DPH7: variants seen among roughly 807,000 people sequenced by gnomAD.
DPH7 encodes the protein diphthamide biosynthesis 7.
In DPH7, 44 loss-of-function variants were observed where a neutral mutation model predicts 41.7. That is an observed-to-expected ratio of 1.05 (90% confidence interval 0.83 to 1.36). The LOEUF (loss-of-function observed/expected upper bound fraction) is 1.36, where lower values mean the gene tolerates loss of function less well. DPH7 is among the 40% of genes most tolerant of loss of function. The pLI is 0.00. For missense variants in DPH7, 629 were observed against 577.5 expected (o/e 1.09, Z -0.91); for synonymous variants, 275 against 238.0 (o/e 1.16, Z -1.43).
chr9:137,561,310 G>A (rs1161882420), intron 8 of DPH7, among the ~76,000 whole-genome samples: 2 of 152,094 alleles, frequency 1.3e-5, no homozygotes, highest in African/African-American at 2.4e-5. Context: ...AGGGCACAGC[G>A]CCACTTTCAC....
intron 8 of DPH7, among the ~76,000 whole-genome samples, chr9:137,558,373 G>A (rs1294286287): frequency 1.3e-5 from 2 of 152,080 alleles, no homozygotes; most frequent in African/African-American, 4.8e-5. Context: ...CTCCCACCTG[G>A]GTGACAGGAC....
chr9:137,564,345 C>A (rs1839162528), intron 8 of DPH7, 89 bp downstream of exon 8: 2 of 1,474,158 alleles, frequency 1.4e-6, no homozygotes, highest in Non-Finnish European at 1.8e-6. Flanking sequence ...AGCAAGGGAG[C>A]AGGGAGCTGA....
Position 137,564,493 on chromosome 9 carries a change from A to T in DPH7, c.890T>A (p.Leu297Gln), listed in dbSNP as rs377177511. Reference protein sequence around the residue: ...RIKWHPFHHHLLLAACMHSGF... With the variant: ...RIKWHPFHHHQLLAACMHSGF... ...ACTGTGCATGCAGGCGGCCAGGAGC[A>T]GGTGGTGGTGGAAAGGGTGCCACTT... Residue 297 changes from leucine to glutamine, a missense_variant, in exon 8 of 9, where the codon CTG (leucine) becomes CAG (glutamine). Leu to Gln is a moderately radical substitution (Grantham distance 113). Transcript: ENST00000277540. The T allele has an allele frequency of 6.2e-7, 1 of 1,614,022 alleles. No homozygotes were observed. Among genetic ancestry groups the T allele is most frequent in the Non-Finnish European group, 8.5e-7 (1 of 1,180,026 alleles).
intron 5 of DPH7, among the ~76,000 whole-genome samples, chr9:137,570,672 C>T (rs2133104170): frequency 6.6e-6 from 1 of 152,342 alleles, no homozygotes; most frequent in East Asian, 1.9e-4. Context: ...CGGCCCTGTG[C>T]CCTGGCCCAT....
At chr9:137,557,938 C>G (rs1212938528) in intron 8 of DPH7, among the ~76,000 whole-genome samples, 1 of 152,140 alleles carries the variant, frequency 6.6e-6, no homozygotes, top group Non-Finnish European at 1.5e-5. Flanking sequence ...AGTTCAAGAC[C>G]AGCCTGACCA....
At position 137,565,152 on chromosome 9, in the gene DPH7, C is replaced by A. The variant is rs181644541; in HGVS notation, c.643G>T (p.Gly215Cys). 5 of 1,614,014 alleles carry A rather than the reference C, an allele frequency of 3.1e-6. No individual in the cohort carries two copies. The East Asian group carries it at 8.9e-5, about 29-fold the overall frequency. ...CAGCCCCTCAGAAGGCCATCGTCGC[C>A]CCCTGTGTGGAGAAAGAGAAGCATC... Reference protein sequence around the residue: ...YWHPEIVYSGGDDGLLRGWDT... With the variant: ...YWHPEIVYSGCDDGLLRGWDT... The change falls in exon 6 of 9, where the codon GGC (glycine) becomes TGC (cysteine). Residue 215 changes from glycine to cysteine, a missense_variant and splice_region_variant. Coordinates refer to ENST00000277540, the MANE Select transcript of DPH7 (RefSeq NM_138778.5).
At chr9:137,563,446 C>A (rs896055609) in intron 8 of DPH7, among the ~76,000 whole-genome samples, 1 of 145,380 alleles carries the variant, frequency 6.9e-6, no homozygotes, top group South Asian at 2.2e-4. Flanking sequence ...GCAGGAGAAT[C>A]GCTAGAACCC....
intron 3 of DPH7, 38 bp downstream of exon 3, chr9:137,576,042 G>T: frequency 6.2e-7 from 1 of 1,613,354 alleles, no homozygotes; most frequent in Non-Finnish European, 8.5e-7. Context: ...CTCTATTCAG[G>T]TCCCTTCTGC....
intron 8 of DPH7, among the ~76,000 whole-genome samples, chr9:137,557,897 G>A (rs2132810143): frequency 6.6e-6 from 1 of 152,278 alleles, no homozygotes; most frequent in South Asian, 2.1e-4. Flanking sequence ...CACTTTGGGA[G>A]GCCGAGGCGG....
At chr9:137,578,480 T>C in intron 1 of DPH7, 145 bp downstream of exon 1, 5 of 1,053,640 alleles carry the variant, frequency 4.7e-6, no homozygotes, top group Non-Finnish European at 6.4e-6. Context: ...ACAATTTTTT[T>C]AAAAAGATTC....
chr9:137,575,132 C>A (rs957190945), intron 3 of DPH7: 7 of 1,155,970 alleles, frequency 6.1e-6, no homozygotes, highest in African/African-American at 3.2e-5. Context: ...GCCATCCTTG[C>A]GCTCCTAGAT....
At chr9:137,576,444 TA>T in intron 2 of DPH7, 1 of 386,956 alleles carries the variant, frequency 2.6e-6, no homozygotes, top group Admixed American at 3.8e-5. Context: ...ATATAAAGGA[TA>T]AAAAACAGGT....
chr9:137,573,222 G>A (rs1009856363), intron 5 of DPH7, among the ~76,000 whole-genome samples: 2 of 150,834 alleles, frequency 1.3e-5, no homozygotes, highest in Admixed American at 6.6e-5. Context: ...TTAGCCGGGC[G>A]TGGTGGCGGG....
chr9:137,558,804 G>A (rs980618813), intron 8 of DPH7, among the ~76,000 whole-genome samples: 7 of 152,042 alleles, frequency 4.6e-5, no homozygotes, highest in African/African-American at 9.7e-5. Context: ...GCGTGATCTC[G>A]GCTCACTGCA....
Position 137,554,965 on chromosome 9 carries a change from C to A in DPH7, c.*274G>T. On this transcript the variant is annotated 3_prime_UTR_variant, in exon 9 of 9. Transcript: ENST00000277540. ...TAAACAAGTATGAAAGGCTGAAAGT[C>A]AAAATCTGCCTGAGAAACTTAACAA... 1 of 386,722 alleles carries A rather than the reference C, an allele frequency of 2.6e-6. No individual in the cohort carries two copies. Among genetic ancestry groups the A allele is most frequent in the Non-Finnish European group, 4.6e-6 (1 of 219,286 alleles). 24.0% of individuals were successfully genotyped at this position (386,722 alleles called of 1,614,324 possible).
At chr9:137,574,128 G>C (rs992000159) in intron 5 of DPH7, 80 bp downstream of exon 5, 30 of 1,432,156 alleles carry the variant, frequency 2.1e-5, no homozygotes, top group African/African-American at 8.5e-5. Flanking sequence ...AATCACAGCT[G>C]TGGCACAGGC....
intron 5 of DPH7, among the ~76,000 whole-genome samples, chr9:137,569,989 C>T (rs1439168284): frequency 2.0e-5 from 3 of 149,498 alleles, no homozygotes; most frequent in African/African-American, 7.4e-5. Context: ...ACCATCCATC[C>T]ATCCAGTCAC....
intron 8 of DPH7, among the ~76,000 whole-genome samples, chr9:137,562,087 A>C (rs1269579506): frequency 6.6e-6 from 1 of 152,116 alleles, no homozygotes; most frequent in East Asian, 1.9e-4. Flanking sequence ...GATGGTCTCG[A>C]TCTCCTGACC....
chr9:137,577,443 C>T (rs751159273), intron 2 of DPH7, 27 bp downstream of exon 2: 2 of 1,608,188 alleles, frequency 1.2e-6, no homozygotes, highest in Non-Finnish European at 1.7e-6. Context: ...ACAAATTCTA[C>T]ACCCAGTGGG....
Sources: gnomAD v4.1 joint callset for allele counts (sites outside exome capture counted in the v4.1 genomes callset) on GRCh38, gnomAD v4.1.1 for gene constraint, MANE v1.5 for transcripts, NCBI Gene and HGNC (gene_info 2026-07-23, HGNC 2026-07-21) for gene names.